FRMD4B: variants seen among roughly 807,000 people sequenced by gnomAD.
FRMD4B encodes the protein FERM domain-containing protein 4B.
Under a neutral mutation model 141.5 loss-of-function variants are expected in FRMD4B, and 74 were observed. The ratio of observed to expected loss-of-function variants is 0.52; its 90% CI spans 0.43 to 0.63. The LOEUF is 0.63. FRMD4B is among the 30% of genes least tolerant of loss of function. The pLI is 0.00. For missense variants in FRMD4B, 1,366 were observed against 1,253.4 expected (o/e 1.09, Z -1.36); for synonymous variants, 506 against 467.9 (o/e 1.08, Z -1.05).
At chr3:69,288,738 G>C (rs1015506934) in intron 4 of FRMD4B, among the ~76,000 whole-genome samples, 3 of 152,180 alleles carry the variant, frequency 2.0e-5, no homozygotes, top group Admixed American at 6.5e-5. Flanking sequence ...CAAGCCCCAA[G>C]ACAGCTCACT....
intron 11 of FRMD4B, among the ~76,000 whole-genome samples, chr3:69,201,600 T>C (rs1381610932): frequency 6.6e-6 from 1 of 152,220 alleles, no homozygotes; most frequent in African/African-American, 2.4e-5. Flanking sequence ...ATATTTCTAA[T>C]TGTAGTGGTA....
At chr3:69,194,818 A>C (rs904416740) in intron 16 of FRMD4B, among the ~76,000 whole-genome samples, 2 of 152,216 alleles carry the variant, frequency 1.3e-5, no homozygotes, top group East Asian at 1.9e-4. Context: ...AATGCCTATG[A>C]TTTGGGGAGT....
At chr3:69,229,177 C>T (rs993120049) in intron 7 of FRMD4B, among the ~76,000 whole-genome samples, 1 of 151,950 alleles carries the variant, frequency 6.6e-6, no homozygotes, top group Non-Finnish European at 1.5e-5. Flanking sequence ...AGCTGCGTGC[C>T]ACCATGTCTG....
chr3:69,324,173 C>A (rs1250680466), intron 1 of FRMD4B, among the ~76,000 whole-genome samples: 2 of 152,190 alleles, frequency 1.3e-5, no homozygotes, highest in Non-Finnish European at 2.9e-5. Context: ...TGTTGGGATG[C>A]TTCCATGGCT....
At chr3:69,278,091 T>C (rs1287400822) in intron 5 of FRMD4B, among the ~76,000 whole-genome samples, 2 of 152,124 alleles carry the variant, frequency 1.3e-5, no homozygotes, top group Non-Finnish European at 2.9e-5. Context: ...CCTGTCCTTG[T>C]GATCCGCCTG....
intron 1 of FRMD4B, among the ~76,000 whole-genome samples, chr3:69,482,827 C>T (rs545107696): frequency 6.6e-6 from 1 of 152,296 alleles, no homozygotes; most frequent in South Asian, 2.1e-4. Context: ...TAAACTGTTA[C>T]TCTTTTTTGG....
At chr3:69,457,260 G>A (rs924316901) in intron 1 of FRMD4B, among the ~76,000 whole-genome samples, 7 of 152,172 alleles carry the variant, frequency 4.6e-5, no homozygotes, top group Non-Finnish European at 8.8e-5. Flanking sequence ...TTTTTGTAAT[G>A]TCTGGATACA....
intron 1 of FRMD4B, among the ~76,000 whole-genome samples, chr3:69,493,956 A>G (rs1168267173): frequency 6.6e-6 from 1 of 152,220 alleles, no homozygotes; most frequent in African/African-American, 2.4e-5. Context: ...AGCTTGCTAC[A>G]GCCTCAAACT....
At chr3:69,486,251 G>A (rs78070697) in intron 1 of FRMD4B, among the ~76,000 whole-genome samples, 1 of 152,234 alleles carries the variant, frequency 6.6e-6, no homozygotes, top group Non-Finnish European at 1.5e-5. Flanking sequence ...AAGTTGTTGG[G>A]GTAAAGGTGG....
At chr3:69,516,702 A>G (rs974728089) in intron 1 of FRMD4B, among the ~76,000 whole-genome samples, 1 of 152,202 alleles carries the variant, frequency 6.6e-6, no homozygotes, top group Non-Finnish European at 1.5e-5. Context: ...TACAATCTCT[A>G]CCAGAGAGAA....
At chr3:69,440,532 T>C (rs778254568) in intron 1 of FRMD4B, among the ~76,000 whole-genome samples, 20 of 152,228 alleles carry the variant, frequency 1.3e-4, no homozygotes, top group African/African-American at 3.9e-4. Context: ...TGGCTGGGCA[T>C]GGTGGCTCAT....
chr3:69,482,750 G>A (rs1403724665), intron 1 of FRMD4B, among the ~76,000 whole-genome samples: 1 of 152,224 alleles, frequency 6.6e-6, no homozygotes, highest in Non-Finnish European at 1.5e-5. Context: ...TATGGGGCTT[G>A]TGCCACTGCC....
At chr3:69,493,526 A>G (rs1218496420) in intron 1 of FRMD4B, among the ~76,000 whole-genome samples, 5 of 152,220 alleles carry the variant, frequency 3.3e-5, no homozygotes, top group African/African-American at 1.2e-4. Context: ...ATGGAAGGTT[A>G]GGTACAAAGT....
intron 1 of FRMD4B, among the ~76,000 whole-genome samples, chr3:69,519,885 G>A (rs112486262): frequency 3.3e-5 from 5 of 150,834 alleles, no homozygotes; most frequent in Non-Finnish European, 5.9e-5. Context: ...GAGAACATAC[G>A]ATGTTTGGTT....
At chr3:69,480,995 G>A (rs754419874) in intron 1 of FRMD4B, among the ~76,000 whole-genome samples, 1 of 152,192 alleles carries the variant, frequency 6.6e-6, no homozygotes, top group African/African-American at 2.4e-5. Context: ...AGACTCCGTG[G>A]GCTTAGGACC....
intron 1 of FRMD4B, among the ~76,000 whole-genome samples, chr3:69,439,365 G>C (rs1008756362): frequency 3.3e-5 from 5 of 152,100 alleles, no homozygotes; most frequent in African/African-American, 1.2e-4. Context: ...AGAGGTGTTT[G>C]GGGCACAACC....
intron 2 of FRMD4B, among the ~76,000 whole-genome samples, chr3:69,399,597 A>G (rs1211408853): frequency 6.6e-6 from 1 of 152,184 alleles, no homozygotes; most frequent in African/African-American, 2.4e-5. Flanking sequence ...AGAGAGCCAT[A>G]CTGGTCTTCT....
chr3:69,219,384 A>G (rs35860408), intron 9 of FRMD4B, among the ~76,000 whole-genome samples: 17,025 of 152,040 alleles, frequency 0.11, 1,075 homozygotes, highest in African/African-American at 0.17. Flanking sequence ...AGTGTAATGA[A>G]TAATTTGACA....
intron 1 of FRMD4B, among the ~76,000 whole-genome samples, chr3:69,449,983 TTACTTTACCTTCC>T (rs1376959532): frequency 6.6e-6 from 1 of 152,146 alleles, no homozygotes; most frequent in Non-Finnish European, 1.5e-5. Flanking sequence ...GGCATGGAAG[TTACTTTACCTTCC>T]TCAGCCTCAG....
Sources: gnomAD v4.1 joint callset for allele counts (sites outside exome capture counted in the v4.1 genomes callset) on GRCh38, gnomAD v4.1.1 for gene constraint, MANE v1.5 for transcripts, NCBI Gene and HGNC (gene_info 2026-07-23, HGNC 2026-07-21) for gene names.